ZNF98: variants seen among roughly 807,000 people sequenced by gnomAD.
ZNF98 encodes the protein zinc finger protein 739.
ZNF98 carries 8 observed loss-of-function variants against 12.8 expected under a neutral mutation model. The ratio of observed to expected loss-of-function variants is 0.63; its 90% CI spans 0.37 to 1.13. ZNF98 has a LOEUF of 1.13. Among genes scored for constraint, ZNF98 ranks in the 50% most tolerant of loss-of-function variants. The pLI is 0.01. For synonymous variants in ZNF98, 112 were observed against 223.5 expected (o/e 0.50, Z 4.45); for missense variants, 379 against 666.1 (o/e 0.57, Z 4.74).
At chr19:22,412,627 A>ACGCCTGTAATCCCAGCACTTTG (rs1419371028) in intron 1 of ZNF98, among the ~76,000 whole-genome samples, 2 of 144,734 alleles carry the variant, frequency 1.4e-5, no homozygotes, top group African/African-American at 5.2e-5. Context: ...CAAGAATTGC[A>ACGCCTGTAATCCCAGCACTTTG]GGAGTAAAAT....
At chr19:22,418,899 T>C (rs1235108355) in intron 1 of ZNF98, among the ~76,000 whole-genome samples, 1 of 152,132 alleles carries the variant, frequency 6.6e-6, no homozygotes, top group African/African-American at 2.4e-5. Flanking sequence ...TGAATTTTTC[T>C]TCAGTGGTCA....
At chr19:22,399,308 A>C (rs1037632550) in intron 3 of ZNF98, among the ~76,000 whole-genome samples, 2 of 152,204 alleles carry the variant, frequency 1.3e-5, no homozygotes, top group Non-Finnish European at 2.9e-5. Flanking sequence ...AATGCAGTAT[A>C]ATCATAAACA....
Position 22,391,635 on chromosome 19 carries a change from T to A in ZNF98, c.1600A>T (p.Asn534Tyr). Residue 534 changes from asparagine to tyrosine, a missense_variant, in exon 4 of 4, where the codon AAC (asparagine) becomes TAC (tyrosine). Transcript: ENST00000357774. ...GKAFNNSSILNRHKMIHTGEK... is the reference protein window; with the variant it reads ...GKAFNNSSILYRHKMIHTGEK... ...CCAGTATGAATCATCTTATGTCTGT[T>A]AAGAATAGAGGAGTTGTTAAAGGCT... 1 of 1,613,770 alleles carries A rather than the reference T, an allele frequency of 6.2e-7. No homozygotes were observed.
At chr19:22,418,846 C>T (rs777407483) in intron 1 of ZNF98, among the ~76,000 whole-genome samples, 1 of 152,104 alleles carries the variant, frequency 6.6e-6, no homozygotes, top group Non-Finnish European at 1.5e-5. Context: ...ACCACTGCAC[C>T]GCAGCCTGGG....
At chr19:22,400,364 C>T (rs1210157643) in intron 3 of ZNF98, among the ~76,000 whole-genome samples, 1 of 152,118 alleles carries the variant, frequency 6.6e-6, no homozygotes, top group East Asian at 1.9e-4. Flanking sequence ...TCAGTGAAAG[C>T]CAAACTCATC....
chr19:22,407,525 A>C (rs1280370330), intron 1 of ZNF98, among the ~76,000 whole-genome samples: 2 of 150,286 alleles, frequency 1.3e-5, no homozygotes, highest in Non-Finnish European at 3.0e-5. Context: ...CAGCCTGGCC[A>C]ACATGGTGAA....
At chr19:22,393,242 TA>T (rs1183350379) in intron 3 of ZNF98, among the ~76,000 whole-genome samples, 1 of 152,222 alleles carries the variant, frequency 6.6e-6, no homozygotes, top group African/African-American at 2.4e-5. Flanking sequence ...CTGTTACATT[TA>T]CCCAGTGCAG....
intron 3 of ZNF98, among the ~76,000 whole-genome samples, chr19:22,394,061 T>C (rs1232639639): frequency 1.3e-5 from 2 of 148,276 alleles, no homozygotes; most frequent in South Asian, 2.2e-4. Flanking sequence ...AAGACATTTA[T>C]GCAGCCAACA....
chr19:22,393,564 A>T (rs1162729300), intron 3 of ZNF98, among the ~76,000 whole-genome samples: 3 of 152,012 alleles, frequency 2.0e-5, no homozygotes, highest in African/African-American at 7.2e-5. Flanking sequence ...GACAAACCTG[A>T]CAAAACACAA....
chr19:22,405,640 AC>A (rs2145115726), intron 1 of ZNF98, among the ~76,000 whole-genome samples: 1 of 152,288 alleles, frequency 6.6e-6, no homozygotes, highest in South Asian at 2.1e-4. Flanking sequence ...TAGGGTCCCA[AC>A]CCCAGAGCTG....
chr19:22,393,503 AG>A (rs1356828072), intron 3 of ZNF98, among the ~76,000 whole-genome samples: 1 of 151,982 alleles, frequency 6.6e-6, no homozygotes, highest in Non-Finnish European at 1.5e-5. Context: ...CCAATGGAAC[AG>A]AATAGAGACC....
chr19:22,418,624 A>G (rs1182011460), intron 1 of ZNF98, among the ~76,000 whole-genome samples: 1 of 152,214 alleles, frequency 6.6e-6, no homozygotes, highest in Non-Finnish European at 1.5e-5. Context: ...CACGCCTGTA[A>G]TCCCAGAACT....
chr19:22,420,801 A>G (rs886190886), intron 1 of ZNF98, among the ~76,000 whole-genome samples: 1 of 152,172 alleles, frequency 6.6e-6, no homozygotes, highest in Non-Finnish European at 1.5e-5. Flanking sequence ...CAAAATAAAA[A>G]CATCTTGACA....
intron 1 of ZNF98, among the ~76,000 whole-genome samples, chr19:22,405,209 G>A (rs1312633508): frequency 6.9e-6 from 1 of 145,802 alleles, no homozygotes; most frequent in Non-Finnish European, 1.5e-5. Context: ...TGCAAGTACT[G>A]AACATATGGC....
At chr19:22,403,686 C>T (rs529087492) in intron 1 of ZNF98, among the ~76,000 whole-genome samples, 174 bp from the exon 2 acceptor site, 1 of 152,294 alleles carries the variant, frequency 6.6e-6, no homozygotes, top group South Asian at 2.1e-4. Flanking sequence ...TTCTCTAACT[C>T]TGAGAAAAGA....
chr19:22,411,330 C>T (rs1409041783), intron 1 of ZNF98, among the ~76,000 whole-genome samples: 2 of 152,208 alleles, frequency 1.3e-5, no homozygotes, highest in African/African-American at 4.8e-5. Context: ...AGCCACCGCA[C>T]CCAGCCCTTG....
intron 1 of ZNF98, among the ~76,000 whole-genome samples, chr19:22,421,632 T>C (rs905954133): frequency 1.2e-4 from 18 of 152,224 alleles, no homozygotes; most frequent in Non-Finnish European, 2.2e-4. Context: ...TAAATGTACC[T>C]AACCGATTAC....
chr19:22,392,598 T>G lies in ZNF98; in HGVS notation c.637A>C (p.Lys213Gln), dbSNP rs540072921. Residue 213 changes from lysine (K) to glutamine (Q), a missense_variant, in exon 4 of 4, where the codon AAA (lysine) becomes CAA (glutamine). Transcript: ENST00000357774. The part of the protein sequence containing the change: ...IHSGEKPYKC[K>Q]ECGKAYNEAS... ...TCATTATAGGCTTTCCCACATTCTT[T>G]ACATTTGTAGGGTTTCTCTCCACTA... 3 of 1,609,132 alleles carry G rather than the reference T, an allele frequency of 1.9e-6. No homozygotes were observed. The highest frequency in any genetic ancestry group is 1.7e-5 in the Admixed American group (1 of 58,968).
At chr19:22,397,212 T>G (rs77540342) in intron 3 of ZNF98, among the ~76,000 whole-genome samples, 34 of 145,138 alleles carry the variant, frequency 2.3e-4, no homozygotes, top group South Asian at 4.4e-4. Context: ...GTGTGTGTTT[T>G]TGTGTGTGTG....
Sources: gnomAD v4.1 joint callset for allele counts (sites outside exome capture counted in the v4.1 genomes callset) on GRCh38, gnomAD v4.1.1 for gene constraint, MANE v1.5 for transcripts, NCBI Gene and HGNC (gene_info 2026-07-23, HGNC 2026-07-21) for gene names.